WNK4: variants seen among roughly 807,000 people sequenced by gnomAD.
The protein encoded by WNK4 is serine/threonine-protein kinase WNK4.
A neutral mutation model predicts 116.2 loss-of-function variants in WNK4; 94 were observed. The ratio of observed to expected loss-of-function variants is 0.81; its 90% confidence interval spans 0.68 to 0.96. The LOEUF is 0.96. Ranked by LOEUF, WNK4 falls within the 40% of genes least tolerant of loss-of-function variation. The probability of loss-of-function intolerance (pLI) is 0.00; values close to 1 mark genes in which losing one functional copy is unlikely to be tolerated. For missense variants in WNK4, 1,542 were observed against 1,650.6 expected (o/e 0.93, Z 1.14); for synonymous variants, 655 against 672.7 (o/e 0.97, Z 0.41).
intron 11 of WNK4, among the ~76,000 whole-genome samples, chr17:42,789,382 C>G (rs570952389): frequency 1.3e-5 from 2 of 152,062 alleles, no homozygotes; most frequent in African/African-American, 4.8e-5. Flanking sequence ...AGAGGCCAGG[C>G]GTGGTGGCTC....
Position 42,795,678 on chromosome 17 carries a change from G to C in WNK4, c.3076G>C (p.Ala1026Pro). The change falls in exon 16 of 19, where the codon GCT becomes CCT. Residue 1026 changes from alanine (A) to proline (P), a missense_variant. Physicochemically the swap from Ala to Pro is conservative, Grantham distance 27. Around this residue, in one of 7 missense-constraint regions of WNK4, gnomAD observed 292 missense variants for 290.1 expected, o/e 1.01. Coordinates refer to ENST00000246914, the MANE Select transcript of WNK4 (RefSeq NM_032387.5). ...CCAAGTGACTTCATCCAAGGAACCG[G>C]CTGAGCCTCTTCCCTTGCAGCCAAC... ...RFQVTSSKEP[A>P]EPLPLQPTSP... 1.2e-6 allele frequency: 2 copies of C among 1,613,074 alleles called. No individual in the cohort carries two copies. Among genetic ancestry groups the C allele is most frequent in the Non-Finnish European group, 1.7e-6 (2 of 1,180,028 alleles).
rs2054512602 is a variant in WNK4 at position 42,783,932 on chromosome 17, C to G, written c.792-5C>G. Reference sequence around the variant, plus strand: ...CCAGGACTCTGGCTATGCGCCCTCCCCCAGGTACCTGAGGCGGTTCCGGGA... The same window carrying G: ...CCAGGACTCTGGCTATGCGCCCTCCGCCAGGTACCTGAGGCGGTTCCGGGA... On this transcript the variant is annotated splice_polypyrimidine_tract_variant and splice_region_variant and intron_variant, in intron 2 of 18. Transcript: ENST00000246914. 6.2e-7 allele frequency: 1 copy of G among 1,612,622 alleles called. No homozygotes were observed. Among genetic ancestry groups the G allele is most frequent in the Non-Finnish European group, 8.5e-7 (1 of 1,179,600 alleles).
In WNK4 at chr17:42,796,191, TG is replaced by T; in HGVS notation, c.3504del (p.Lys1169SerfsTer50). On this transcript the variant is annotated frameshift_variant, in exon 17 of 19. Coordinates refer to ENST00000246914, the MANE Select transcript of WNK4 (RefSeq NM_032387.5). LOFTEE classifies it high-confidence loss of function. ...KKEIEDLYSR[L>X]GKQPPPGIVA... Reference sequence around the variant, plus strand: ...GAAATTGAAGATTTGTACAGCCGGCTGGGGAAGCAGCCCCCACCGGGTATTG... The same window carrying T: ...GAAATTGAAGATTTGTACAGCCGGCTGGGAAGCAGCCCCCACCGGGTATTG... The T allele has an allele frequency of 1.2e-6, 2 of 1,613,968 alleles. No homozygotes were observed. Among genetic ancestry groups the T allele is most frequent in the Non-Finnish European group, 1.7e-6 (2 of 1,179,986 alleles).
At chr17:42,789,596 G>A (rs1433666426) in intron 11 of WNK4, among the ~76,000 whole-genome samples, 5 of 150,368 alleles carry the variant, frequency 3.3e-5, no homozygotes, top group South Asian at 2.1e-4. Context: ...CCCGGGAGGC[G>A]GAGGTTGCAG....
intron 17 of WNK4, 34 bp downstream of exon 17, chr17:42,796,356 CCT>C (rs745975408): frequency 2.1e-5 from 33 of 1,609,360 alleles, no homozygotes; most frequent in African/African-American, 2.7e-5. Flanking sequence ...CCATCTTTTC[CCT>C]GAGACCCCTT....
chr17:42,794,637 C>T lies in WNK4; in HGVS notation c.2319C>T (p.Ala773=). The change falls in exon 13 of 19, where the codon GCC becomes GCT. Residue 773 remains alanine, a synonymous_variant. Coordinates refer to ENST00000246914, the MANE Select transcript of WNK4 (RefSeq NM_032387.5). ...SPQEEPAPLP[A]LPVPLPDPSN... ...AGGAGGAGCCAGCACCATTACCTGCCCTGCCCGTCCCCCTCCCAGACCCAT... is the reference window on the plus strand; with the variant it reads ...AGGAGGAGCCAGCACCATTACCTGCTCTGCCCGTCCCCCTCCCAGACCCAT... 6.2e-7 allele frequency: 1 copy of T among 1,613,984 alleles called. No homozygotes were observed. Among genetic ancestry groups the T allele is most frequent in the Non-Finnish European group, 8.5e-7 (1 of 1,179,984 alleles).
chr17:42,785,285 C>G lies in WNK4; in HGVS notation c.1279C>G (p.Leu427Val). ...CCTCAGGTTCACCATCCAGGACCTC[C>G]TGGCCCACGCCTTCTTCCGCGAGGA... Reference protein sequence around the residue: ...KNERFTIQDLLAHAFFREERG... With the variant: ...KNERFTIQDLVAHAFFREERG... Residue 427 changes from leucine to valine, a missense_variant, in exon 6 of 19, where the codon CTG (leucine) becomes GTG (valine). Coordinates refer to ENST00000246914, the MANE Select transcript of WNK4 (RefSeq NM_032387.5). 6.2e-7 allele frequency: 1 copy of G among 1,611,228 alleles called. No individual in the cohort carries two copies. Among genetic ancestry groups the G allele is most frequent in the Non-Finnish European group, 8.5e-7 (1 of 1,178,890 alleles).
In WNK4 at chr17:42,793,500, G is replaced by A. The variant is rs974012462; in HGVS notation, c.2158-92G>A. 4.3e-5 allele frequency: 68 copies of A among 1,568,946 alleles called. No individual in the cohort carries two copies. In the Middle Eastern group the frequency reaches 8.1e-4, roughly 19 times the overall value. On this transcript the variant is annotated intron_variant, in intron 11 of 18. Transcript: ENST00000246914. ...GCTAGGATTACAGGCGTGAGCCACC[G>A]CGCCCAGCCTGATGTTTTAAGATCA...
At chr17:42,796,433 C>T (rs2054674548) in intron 17 of WNK4, 48 bp from the exon 18 acceptor site, 1 of 1,614,020 alleles carries the variant, frequency 6.2e-7, no homozygotes, top group Non-Finnish European at 8.5e-7. Flanking sequence ...CCTCTCCCCA[C>T]CTCCCCTTTC....
Position 42,795,465 on chromosome 17 carries a change from C to T in WNK4, c.2966C>T (p.Ser989Leu). The change falls in exon 15 of 19, where the codon TCA (serine) becomes TTA (leucine). Residue 989 changes from serine (S) to leucine (L), a missense_variant. Ser to Leu is a moderately radical substitution (Grantham distance 145, BLOSUM62 -2). Coordinates refer to ENST00000246914, the MANE Select transcript of WNK4 (RefSeq NM_032387.5). ...PHTAEVESEA[S>L]PPPARPLPGE... ...TCATGGCCCCCCACTTTCTAGGCCT[C>T]ACCACCTCCTGCTCGGCCCCTCCCA... 6.2e-7 allele frequency: 1 copy of T among 1,614,236 alleles called. No homozygotes were observed. Among genetic ancestry groups the T allele is most frequent in the East Asian group, 2.2e-5 (1 of 44,886 alleles).
intron 6 of WNK4, 137 bp downstream of exon 6, chr17:42,785,619 A>G: frequency 1.8e-6 from 2 of 1,112,250 alleles, no homozygotes; most frequent in Non-Finnish European, 2.6e-6. Context: ...AATCTCCTGC[A>G]GCGTCTCCCT....
intron 11 of WNK4, among the ~76,000 whole-genome samples, chr17:42,793,311 A>T (rs2054624683): frequency 6.6e-6 from 1 of 152,054 alleles, no homozygotes; most frequent in African/African-American, 2.4e-5. Context: ...CCCAGGTTCA[A>T]GTGATTCTCC....
Position 42,788,676 on chromosome 17 carries a change from T to G in WNK4, c.2041-5T>G. The G allele has an allele frequency of 6.2e-7, 1 of 1,611,846 alleles. No homozygotes were observed. Among genetic ancestry groups the G allele is most frequent in the Non-Finnish European group, 8.5e-7 (1 of 1,177,970 alleles). ...TTCTCCCCTCTGCTGACTTTGAATCTGAAGGTCTCAGACCAGAATGACAGA... is the reference window on the plus strand; with the variant it reads ...TTCTCCCCTCTGCTGACTTTGAATCGGAAGGTCTCAGACCAGAATGACAGA... On this transcript the variant is annotated splice_polypyrimidine_tract_variant and splice_region_variant and intron_variant, in intron 10 of 18. Coordinates refer to ENST00000246914, the MANE Select transcript of WNK4 (RefSeq NM_032387.5).
chr17:42,794,475 C>T, intron 12 of WNK4, 139 bp from the exon 13 acceptor site: 1 of 892,700 alleles, frequency 1.1e-6, no homozygotes, highest in Non-Finnish European at 1.8e-6. Context: ...CATTTCAGCA[C>T]ATATGCTTCT....
intron 8 of WNK4, 98 bp downstream of exon 8, chr17:42,787,997 T>C (rs2054569795): frequency 1.3e-6 from 2 of 1,596,810 alleles, no homozygotes; most frequent in Admixed American, 1.7e-5. Flanking sequence ...CCCATGTCCC[T>C]GGAAATCCAC....
At position 42,795,527 on chromosome 17, in the gene WNK4, G is replaced by C; in HGVS notation, c.3022+6G>C. The C allele has an allele frequency of 6.2e-7, 1 of 1,614,210 alleles. No homozygotes were observed. The highest frequency in any genetic ancestry group is 8.5e-7 in the Non-Finnish European group (1 of 1,180,038). Reference sequence around the variant, plus strand: ...GCTGGCGCCCATCTCTGAAGGTAAGGCCTCTGACCACTGACCTTCCCCTGC... The same window carrying C: ...GCTGGCGCCCATCTCTGAAGGTAAGCCCTCTGACCACTGACCTTCCCCTGC... On this transcript the variant is annotated splice_donor_region_variant and intron_variant, in intron 15 of 18. Transcript: ENST00000246914.
chr17:42,781,448 T>C, intron 1 of WNK4, 132 bp downstream of exon 1: 1 of 1,224,158 alleles, frequency 8.2e-7, no homozygotes. Context: ...TAGACACCTC[T>C]GCTGTCTTTG....
At chr17:42,795,570 G>C (rs372683998) in intron 15 of WNK4, 49 bp downstream of exon 15, 13 of 1,614,018 alleles carry the variant, frequency 8.1e-6, no homozygotes, top group African/African-American at 1.3e-5. Context: ...CCTACTCACT[G>C]TCTGTCCTGT....
In WNK4 at chr17:42,796,829, G is replaced by A; in HGVS notation, c.*141G>A. 7 of 1,559,430 alleles carry A rather than the reference G, an allele frequency of 4.5e-6. No homozygotes were observed. The South Asian group carries it at 7.9e-5, about 18-fold the overall frequency. ...AGGGGTAGAAGGCCAGGGGGGCATG[G>A]AGAGTGCAGCTCCATTATAGTGAAG... On this transcript the variant is annotated 3_prime_UTR_variant, in exon 19 of 19. Coordinates refer to ENST00000246914, the MANE Select transcript of WNK4 (RefSeq NM_032387.5).
Sources: gnomAD v4.1 joint callset for allele counts (sites outside exome capture counted in the v4.1 genomes callset) on GRCh38, gnomAD v4.1.1 for gene constraint, gnomAD v4.1.1 regional missense constraint, MANE v1.5 for transcripts, NCBI Gene and HGNC (gene_info 2026-07-23, HGNC 2026-07-21) for gene names.